The following USP47 variants were observed in gnomAD, a reference collection of about 807,000 sequenced individuals.
USP47 encodes ubiquitin specific peptidase 47.
In USP47, 35 loss-of-function variants were observed where a neutral mutation model predicts 165.1. That is an observed-to-expected ratio of 0.21 (90% CI 0.16 to 0.28). USP47 has a LOEUF of 0.28. USP47 is among the 10% of genes least tolerant of loss of function. The pLI is 1.00. For synonymous variants in USP47, 531 were observed against 544.5 expected, an observed-to-expected ratio of 0.98 and a Z score of 0.35; for missense variants, 1,277 against 1,607.4, an observed-to-expected ratio of 0.79 and a Z score of 3.52.
intron 1 of USP47, among the ~76,000 whole-genome samples, chr11:11,867,588 A>G (rs1294040077): frequency 6.6e-6 from 1 of 152,176 alleles, no homozygotes; most frequent in Non-Finnish European, 1.5e-5. Flanking sequence ...GAAGCATGTT[A>G]AACATTTATT....
intron 1 of USP47, among the ~76,000 whole-genome samples, chr11:11,847,232 C>T (rs1254600961): frequency 6.6e-6 from 1 of 151,180 alleles, no homozygotes; most frequent in Non-Finnish European, 1.5e-5. Flanking sequence ...TTTTCAAAAA[C>T]AGAAATTGAG....
At chr11:11,888,292 A>G (rs1461025375) in intron 3 of USP47, among the ~76,000 whole-genome samples, 2 of 152,134 alleles carry the variant, frequency 1.3e-5, no homozygotes, top group African/African-American at 4.8e-5. Context: ...GTTTTTTGAA[A>G]AAATTAATAA....
intron 1 of USP47, among the ~76,000 whole-genome samples, chr11:11,856,133 G>A (rs1208322563): frequency 5.3e-5 from 8 of 152,172 alleles, no homozygotes; most frequent in South Asian, 2.1e-4. Context: ...CTGGCAGATT[G>A]TGTCTAAAAA....
chr11:11,903,461 C>T (rs1454533979), intron 7 of USP47, 119 bp downstream of exon 7: 4 of 860,914 alleles, frequency 4.6e-6, no homozygotes, highest in Admixed American at 2.8e-5. Flanking sequence ...GGTTAAAGTA[C>T]CCAATGGGAA....
chr11:11,860,489 T>C (rs985310686), intron 1 of USP47, among the ~76,000 whole-genome samples: 6 of 152,242 alleles, frequency 3.9e-5, no homozygotes, highest in Non-Finnish European at 7.3e-5. Flanking sequence ...TTAACGTTTC[T>C]TTCAGATGTA....
At chr11:11,863,892 A>G (rs1849518832) in intron 1 of USP47, among the ~76,000 whole-genome samples, 1 of 152,104 alleles carries the variant, frequency 6.6e-6, no homozygotes. Context: ...ATCCCAAATT[A>G]TTGTAATTTC....
In USP47 at chr11:11,929,517, A is replaced by G; in HGVS notation, c.1470A>G (p.Ser490=). The change falls in exon 12 of 28, where the codon TCA becomes TCG. Residue 490 remains serine, a synonymous_variant. Coordinates refer to ENST00000527733, the MANE Select transcript of USP47 (RefSeq NM_001282659.2). The part of the protein sequence containing the change: ...AGGHYYACIK[S]FSDEQWYSFN... The stretch of plus-strand genomic sequence containing the variant: ...GTCATTATTATGCATGTATAAAGTC[A>G]TTCAGTGATGAGCAGTGGTACAGCT... 1.9e-6 allele frequency: 3 copies of G among 1,613,336 alleles called. No homozygotes were observed. The highest frequency in any genetic ancestry group is 2.5e-6 in the Non-Finnish European group (3 of 1,179,426).
intron 1 of USP47, among the ~76,000 whole-genome samples, chr11:11,849,572 C>T (rs1016445369): frequency 1.3e-5 from 2 of 152,222 alleles, no homozygotes; most frequent in African/African-American, 2.4e-5. Context: ...AATGGCTTAT[C>T]TTCAAACCTA....
At chr11:11,896,669 A>C (rs1851866285) in intron 4 of USP47, among the ~76,000 whole-genome samples, 1 of 152,212 alleles carries the variant, frequency 6.6e-6, no homozygotes, top group Non-Finnish European at 1.5e-5. Context: ...CTGCTTTCAC[A>C]GTCTGATGGG....
rs377116321 is a variant in USP47, at chr11:11,902,812, A to G, written c.691A>G (p.Ile231Val). The change falls in exon 6 of 28, where the codon ATT becomes GTT. Residue 231 changes from isoleucine (I) to valine (V), a missense_variant. By Grantham distance (29) the Ile-to-Val change is conservative. Coordinates refer to ENST00000527733, the MANE Select transcript of USP47 (RefSeq NM_001282659.2). ...VLLQTSKKRAIETTDVTRSFG... is the reference protein window; with the variant it reads ...VLLQTSKKRAVETTDVTRSFG... The stretch of plus-strand genomic sequence containing the variant: ...GTTACAAACCAGCAAAAAGAGAGCA[A>G]TTGAAACCACAGATGTTACAAGGAG... The G allele has an allele frequency of 3.3e-5, 53 of 1,604,020 alleles. No individual in the cohort carries two copies. The highest frequency in any genetic ancestry group is 4.0e-5 in the Non-Finnish European group (47 of 1,174,566).
chr11:11,892,871 AT>A (rs1420819697), intron 4 of USP47, among the ~76,000 whole-genome samples: 1 of 151,382 alleles, frequency 6.6e-6, no homozygotes, highest in Non-Finnish European at 1.5e-5. Flanking sequence ...TCTTTTAATA[AT>A]TTTCTATTTT....
chr11:11,918,717 A>G (rs1438400968), intron 8 of USP47, among the ~76,000 whole-genome samples: 1 of 151,984 alleles, frequency 6.6e-6, no homozygotes, highest in African/African-American at 2.4e-5. Flanking sequence ...ATCTCTAGGT[A>G]TTAACTATAA....
At chr11:11,928,395 A>C (rs945352404) in intron 11 of USP47, among the ~76,000 whole-genome samples, 1 of 152,056 alleles carries the variant, frequency 6.6e-6, no homozygotes. Context: ...CATTTTCAAA[A>C]TTTGTTCTAG....
rs1006706345 is a variant in USP47, at chr11:11,924,122, G to A, written c.1386+1231G>A. ...AGCTTTCAGTTTCTTATCATTGAGTGTGATGTTGACTTTCAGTTTTTTATG... is the reference window on the plus strand; with the variant it reads ...AGCTTTCAGTTTCTTATCATTGAGTATGATGTTGACTTTCAGTTTTTTATG... On this transcript the variant is annotated intron_variant, in intron 11 of 27. Transcript: ENST00000527733. Among the ~76,000 whole-genome samples, 8 of 152,174 alleles carry A rather than the reference G, an allele frequency of 5.3e-5. No homozygotes were observed. The South Asian group carries it at 1.0e-3, about 20-fold the overall frequency.
rs531248768 is a variant in USP47 at position 11,853,844 on chromosome 11, C to T, written c.39+11620C>T. ...ACATGCTCTTAAAATCCTATCCAAC[C>T]GGCTGGGCCTGGTGGCTCACACCTG... On this transcript the variant is annotated intron_variant, in intron 1 of 27. Coordinates refer to ENST00000527733, the MANE Select transcript of USP47 (RefSeq NM_001282659.2). Among the ~76,000 whole-genome samples the T allele has an allele frequency of 2.3e-4, 35 of 152,130 alleles. No individual in the cohort carries two copies. The South Asian group carries it at 5.8e-3, about 25-fold the overall frequency.
At chr11:11,930,963 C>T (rs904382332) in intron 14 of USP47, among the ~76,000 whole-genome samples, 1 of 151,998 alleles carries the variant, frequency 6.6e-6, no homozygotes, top group Admixed American at 6.6e-5. Context: ...TATGAAGAGA[C>T]AAAACTACAT....
At position 11,956,111 on chromosome 11, in the gene USP47, G is replaced by A. The variant is rs772005566; in HGVS notation, c.4004G>A (p.Arg1335His). The A allele has an allele frequency of 2.1e-5, 34 of 1,613,772 alleles. No homozygotes were observed. Among genetic ancestry groups the A allele is most frequent in the African/African-American group, 4.0e-5 (3 of 74,892 alleles). The change falls in exon 28 of 28, where the codon CGT becomes CAT. Residue 1335 changes from arginine (R) to histidine (H), a missense_variant. Transcript: ENST00000527733. ...KTGHRVTYSP[R>H]KEKALKIYLD... is the part of the protein sequence containing the mutation. Reference sequence around the variant, plus strand: ...GGACATCGTGTAACATACTCACCTCGTAAAGAGAAAGCACTAAAAATATAT... The same window carrying A: ...GGACATCGTGTAACATACTCACCTCATAAAGAGAAAGCACTAAAAATATAT...
At chr11:11,866,549 T>G (rs1368276291) in intron 1 of USP47, among the ~76,000 whole-genome samples, 1 of 152,202 alleles carries the variant, frequency 6.6e-6, no homozygotes, top group Non-Finnish European at 1.5e-5. Context: ...CTATGGTAGT[T>G]TAGTAGAAAT....
chr11:11,882,492 G>T (rs768058888), intron 2 of USP47, among the ~76,000 whole-genome samples: 2 of 151,968 alleles, frequency 1.3e-5, no homozygotes, highest in African/African-American at 4.8e-5. Flanking sequence ...AGTAAAATTG[G>T]TAGTCGGACA....
Sources: gnomAD v4.1 joint callset for allele counts (sites outside exome capture counted in the v4.1 genomes callset) on GRCh38, gnomAD v4.1.1 for gene constraint, MANE v1.5 for transcripts, NCBI Gene and HGNC (gene_info 2026-07-23, HGNC 2026-07-21) for gene names.